Variants in SUPT3H observed in about 807,000 individuals in gnomAD.
SUPT3H encodes SPT3 homolog, SAGA and STAGA complex component, also known as transcription initiation protein SPT3 homolog.
Under a neutral mutation model 44.3 loss-of-function variants are expected in SUPT3H, and 44 were observed. That is an observed-to-expected ratio of 0.99 (90% CI 0.78 to 1.28). The LOEUF (loss-of-function observed/expected upper bound fraction) is 1.28. SUPT3H is among the 50% of genes most tolerant of loss of function. The pLI is 0.00. For synonymous variants in SUPT3H, 124 were observed against 125.6 expected (o/e 0.99, Z 0.09); for missense variants, 380 against 387.1 (o/e 0.98, Z 0.15).
chr6:45,257,264 T>C (rs1489258279), intron 2 of SUPT3H, among the ~76,000 whole-genome samples: 3 of 152,102 alleles, frequency 2.0e-5, no homozygotes, highest in Admixed American at 2.0e-4. Context: ...AAAACTAAGG[T>C]ACAGAGATAT....
At chr6:45,124,649 A>G (rs1256683860) in intron 2 of SUPT3H, among the ~76,000 whole-genome samples, 1 of 145,700 alleles carries the variant, frequency 6.9e-6, no homozygotes, top group Non-Finnish European at 1.5e-5. Flanking sequence ...AAAAAAAAAA[A>G]GAAAGAAAAA....
chr6:45,034,018 G>A (rs1321279911), intron 3 of SUPT3H, among the ~76,000 whole-genome samples: 1 of 152,004 alleles, frequency 6.6e-6, no homozygotes, highest in Non-Finnish European at 1.5e-5. Flanking sequence ...TATTAGTCAG[G>A]GGCTTGGAGG....
chr6:45,057,478 A>C (rs1791309794), intron 3 of SUPT3H, among the ~76,000 whole-genome samples: 1 of 152,258 alleles, frequency 6.6e-6, no homozygotes, highest in African/African-American at 2.4e-5. Flanking sequence ...AAAACTAACT[A>C]AACTAAAAAA....
intron 11 of SUPT3H, among the ~76,000 whole-genome samples, chr6:44,820,569 G>T (rs1424535838): frequency 2.0e-5 from 3 of 152,146 alleles, no homozygotes; most frequent in Admixed American, 6.6e-5. Context: ...GTACTGATCA[G>T]TCATTCATTC....
chr6:45,014,771 T>A (rs568758835), intron 5 of SUPT3H, 30 bp downstream of exon 5: 1 of 1,470,152 alleles, frequency 6.8e-7, no homozygotes, highest in Admixed American at 2.2e-5. Flanking sequence ...CATAAGCTCA[T>A]GTTTTAGTTT....
intron 3 of SUPT3H, among the ~76,000 whole-genome samples, chr6:45,099,820 C>A (rs1460482841): frequency 6.6e-6 from 1 of 152,038 alleles, no homozygotes; most frequent in Non-Finnish European, 1.5e-5. Context: ...GAAATGATGA[C>A]CTCATTTACA....
At chr6:45,287,532 A>G (rs1779523912) in intron 2 of SUPT3H, among the ~76,000 whole-genome samples, 1 of 152,186 alleles carries the variant, frequency 6.6e-6, no homozygotes, top group Non-Finnish European at 1.5e-5. Context: ...TTCTACTTAT[A>G]GGAGTGACCT....
intron 2 of SUPT3H, among the ~76,000 whole-genome samples, chr6:45,261,324 C>G (rs1774326397): frequency 6.6e-6 from 1 of 151,950 alleles, no homozygotes; most frequent in Non-Finnish European, 1.5e-5. Context: ...AAATTGTCAA[C>G]AAAATACCAG....
intron 10 of SUPT3H, among the ~76,000 whole-genome samples, chr6:44,866,482 T>C (rs1775527801): frequency 6.6e-6 from 1 of 151,686 alleles, no homozygotes; most frequent in Non-Finnish European, 1.5e-5. Context: ...TTGAGATCCA[T>C]CTCTTAGGTA....
chr6:45,225,624 T>C (rs980064309), intron 2 of SUPT3H, among the ~76,000 whole-genome samples: 2 of 152,226 alleles, frequency 1.3e-5, no homozygotes, highest in Non-Finnish European at 2.9e-5. Flanking sequence ...ATAGATGGTA[T>C]GCTAGTATGT....
intron 2 of SUPT3H, among the ~76,000 whole-genome samples, chr6:45,307,625 C>T (rs1334461946): frequency 6.6e-6 from 1 of 152,172 alleles, no homozygotes; most frequent in African/African-American, 2.4e-5. Context: ...TGTACATTAC[C>T]ATCATCAAAG....
chr6:44,954,437 G>A, intron 8 of SUPT3H, 58 bp downstream of exon 8: 1 of 1,180,660 alleles, frequency 8.5e-7, no homozygotes, highest in Non-Finnish European at 1.3e-6. Context: ...ATTGATCATG[G>A]GCAGAGATAA....
chr6:45,197,764 AC>A, intron 2 of SUPT3H: 1 of 174,814 alleles, frequency 5.7e-6, no homozygotes. Context: ...TAATGGTTTT[AC>A]CCCATGTCTT....
chr6:45,183,758 C>T (rs1813689544), intron 2 of SUPT3H, among the ~76,000 whole-genome samples: 1 of 152,120 alleles, frequency 6.6e-6, no homozygotes, highest in South Asian at 2.1e-4. Flanking sequence ...TAACAAAAAG[C>T]TTATTAAGCC....
At chr6:44,893,283 T>C (rs1357184267) in intron 10 of SUPT3H, among the ~76,000 whole-genome samples, 1 of 152,220 alleles carries the variant, frequency 6.6e-6, no homozygotes, top group South Asian at 2.1e-4. Context: ...ATGTGCAGGT[T>C]AGTTACATAT....
intron 2 of SUPT3H, among the ~76,000 whole-genome samples, chr6:45,179,292 C>T (rs1812647884): frequency 6.6e-6 from 1 of 152,152 alleles, no homozygotes; most frequent in Non-Finnish European, 1.5e-5. Flanking sequence ...CGAATTCTAT[C>T]AGAGGTACAA....
intron 2 of SUPT3H, among the ~76,000 whole-genome samples, chr6:45,202,918 G>GTA (rs758962176): frequency 2.1e-4 from 32 of 151,770 alleles, no homozygotes; most frequent in South Asian, 1.7e-3. Context: ...GTGTGTGTGT[G>GTA]TATATATATA....
intron 2 of SUPT3H, among the ~76,000 whole-genome samples, chr6:45,350,419 G>T (rs1344407838): frequency 6.6e-6 from 1 of 152,202 alleles, no homozygotes; most frequent in African/African-American, 2.4e-5. Context: ...TAGGTAATTT[G>T]TAATACACAC....
At chr6:45,125,416 T>C (rs1250639294) in intron 2 of SUPT3H, among the ~76,000 whole-genome samples, 1 of 152,204 alleles carries the variant, frequency 6.6e-6, no homozygotes, top group Non-Finnish European at 1.5e-5. Flanking sequence ...GTTTTTGGGT[T>C]GTATTACTAT....
Sources: allele counts gnomAD v4.1 joint callset (sites outside exome capture counted in the v4.1 genomes callset), GRCh38; gene constraint gnomAD v4.1.1; transcripts MANE v1.5; gene names NCBI Gene and HGNC (gene_info 2026-07-23, HGNC 2026-07-21).